Variants in NRXN2 observed in about 807,000 individuals in gnomAD.
NRXN2 encodes neurexin 2, also known as neurexin-2-beta.
In NRXN2, 29 loss-of-function variants were observed where a neutral mutation model predicts 128.8. The ratio of observed to expected loss-of-function variants is 0.23; its 90% CI spans 0.17 to 0.31. The LOEUF is 0.31. NRXN2 is among the 10% of genes least tolerant of loss of function. The pLI, the probability that NRXN2 is intolerant of heterozygous loss-of-function variation, is 1.00. For synonymous variants in NRXN2, 1,098 were observed against 1,075.2 expected, an observed-to-expected ratio of 1.02 and a Z score of -0.41; for missense variants, 1,881 against 2,452.6, an observed-to-expected ratio of 0.77 and a Z score of 4.92.
At chr11:64,627,810 T>C (rs2043292247) in intron 19 of NRXN2, among the ~76,000 whole-genome samples, 1 of 152,180 alleles carries the variant, frequency 6.6e-6, no homozygotes, top group Non-Finnish European at 1.5e-5. Context: ...TTTAAGCCAC[T>C]GACATACTAT....
At position 64,622,375 on chromosome 11, in the gene NRXN2, A is replaced by G. The variant is rs997223964; in HGVS notation, c.4173+378T>C. On this transcript the variant is annotated intron_variant, in intron 21 of 22. Transcript: ENST00000265459. This position sits in a 1 kb window ranked among gnomAD's most constrained non-coding sequence, Gnocchi z 4.3. ...CATCTCCCACTCTCTGCCCACACAG[A>G]ACGCTAGGCATGGCCTTCACTGGGG... Among the ~76,000 whole-genome samples the G allele has an allele frequency of 6.6e-6, 1 of 152,184 alleles. No homozygotes were observed. The highest frequency in any genetic ancestry group is 2.4e-5 in the African/African-American group (1 of 41,444).
chr11:64,626,547 A>G lies in NRXN2; in HGVS notation c.3763T>C (p.Phe1255Leu). The change falls in exon 20 of 23, where the codon TTT becomes CTT. Residue 1255 changes from phenylalanine (F) to leucine (L), a missense_variant. Transcript: ENST00000265459. ...GCAATCGCCAGGCGCTCGTTATCAA[A>G]GTTTCCTTGGAAAAGTTTAGAAAGA... is the stretch of plus-strand genomic sequence containing the variant. ...PVNERYPAGNFDNERLAIARQ... is the reference protein window; with the variant it reads ...PVNERYPAGNLDNERLAIARQ... The G allele has an allele frequency of 6.2e-7, 1 of 1,613,986 alleles. No homozygotes were observed. Among genetic ancestry groups the G allele is most frequent in the South Asian group, 1.1e-5 (1 of 91,084 alleles).
chr11:64,722,582 G>A (rs2135701722), intron 1 of NRXN2, among the ~76,000 whole-genome samples: 1 of 151,510 alleles, frequency 6.6e-6, no homozygotes, highest in Non-Finnish European at 1.5e-5. Context: ...TCGCTGGTTA[G>A]ACCCTCCAGA....
chr11:64,657,370 A>G (rs771129498), intron 11 of NRXN2, among the ~76,000 whole-genome samples: 2 of 152,218 alleles, frequency 1.3e-5, no homozygotes, highest in Non-Finnish European at 2.9e-5. Context: ...CTAGTAGAGG[A>G]CAACTCCAGT....
In NRXN2 at chr11:64,667,697, A is replaced by G; in HGVS notation, c.1360-9T>C. On this transcript the variant is annotated splice_polypyrimidine_tract_variant and intron_variant, in intron 8 of 22. Transcript: ENST00000265459. This position sits in a 1 kb window ranked among gnomAD's most constrained non-coding sequence, Gnocchi z 5.6. Reference sequence around the variant, plus strand: ...TTGTTCTTATAGACCACCTGCAGGGAGGGGTGGGGTCAGGGATAAAGAATC... The same window carrying G: ...TTGTTCTTATAGACCACCTGCAGGGGGGGGTGGGGTCAGGGATAAAGAATC... The G allele has an allele frequency of 1.2e-6, 2 of 1,613,578 alleles. No homozygotes were observed. The highest frequency in any genetic ancestry group is 1.7e-6 in the Non-Finnish European group (2 of 1,179,826).
At chr11:64,693,351 A>C (rs1448108108) in intron 3 of NRXN2, among the ~76,000 whole-genome samples, 1 of 151,792 alleles carries the variant, frequency 6.6e-6, no homozygotes, top group Non-Finnish European at 1.5e-5. Flanking sequence ...AGAGAAAAAA[A>C]AACAGTCAAC....
chr11:64,629,439 T>C (rs929029486), intron 19 of NRXN2, among the ~76,000 whole-genome samples: 1 of 152,124 alleles, frequency 6.6e-6, no homozygotes, highest in African/African-American at 2.4e-5. Context: ...TCTCCACATC[T>C]CTCCTCATCT....
chr11:64,715,099 A>G (rs1192037279), intron 1 of NRXN2, among the ~76,000 whole-genome samples: 1 of 152,188 alleles, frequency 6.6e-6, no homozygotes, highest in East Asian at 1.9e-4. Context: ...GAGATGGAAG[A>G]GTAATGGAGG....
chr11:64,644,470 T>C (rs1230478161), intron 17 of NRXN2, among the ~76,000 whole-genome samples: 3 of 152,226 alleles, frequency 2.0e-5, no homozygotes, highest in Admixed American at 1.3e-4. Flanking sequence ...ACAAAACCCT[T>C]CCTGGGCCAC....
rs532504526 is a variant in NRXN2, at chr11:64,607,122, C to G, written c.*74G>C. 34 of 1,499,406 alleles carry G rather than the reference C, an allele frequency of 2.3e-5. No individual in the cohort carries two copies. The highest frequency in any genetic ancestry group is 3.0e-5 in the Non-Finnish European group (33 of 1,099,708). The allele number at this position is 1,499,406 out of a possible 1,614,324, so 92.9% of individuals were successfully genotyped here. On this transcript the variant is annotated 3_prime_UTR_variant, in exon 23 of 23. Transcript: ENST00000265459. Reference sequence around the variant, plus strand: ...AGGGAGAGGGTCCCCAGGCCCCTGGCAGGGAGAGGGTGGCACCCTCCTCCC... The same window carrying G: ...AGGGAGAGGGTCCCCAGGCCCCTGGGAGGGAGAGGGTGGCACCCTCCTCCC...
Position 64,689,514 on chromosome 11 carries a change from C to T in NRXN2, c.850+891G>A, listed in dbSNP as rs59450926. On this transcript the variant is annotated intron_variant, in intron 5 of 22. Transcript: ENST00000265459. Reference sequence around the variant, plus strand: ...TCATATAAAATAAATTTGCTGAGCACACAGCTACTTATGTGCCAAGAGCTG... The same window carrying T: ...TCATATAAAATAAATTTGCTGAGCATACAGCTACTTATGTGCCAAGAGCTG... 5.0e-3 allele frequency among the ~76,000 whole-genome samples: 768 copies of T among 152,290 alleles called. 4 individuals are homozygous for T. Among genetic ancestry groups the T allele is most frequent in the African/African-American group, 0.018 (728 of 41,558 alleles).
chr11:64,676,940 G>T lies in NRXN2; in HGVS notation c.1197+53C>A. Reference sequence around the variant, plus strand: ...GAAACAAAAGAGGGAGAATCGAACAGTTAAAAAAACCCACGGCAAACCAAA... The same window carrying T: ...GAAACAAAAGAGGGAGAATCGAACATTTAAAAAAACCCACGGCAAACCAAA... On this transcript the variant is annotated intron_variant, in intron 7 of 22. Transcript: ENST00000265459. 3.3e-6 allele frequency: 5 copies of T among 1,506,834 alleles called. No homozygotes were observed. In the South Asian group the frequency reaches 3.4e-5, roughly 10 times the overall value. 93.3% of individuals were successfully genotyped at this position (1,506,834 alleles called of 1,614,324 possible). A position where few individuals can be genotyped will look rare whatever the true frequency, so the allele number is the denominator to read the frequency against.
chr11:64,671,331 G>A (rs1345700651), intron 7 of NRXN2, among the ~76,000 whole-genome samples: 1 of 152,138 alleles, frequency 6.6e-6, no homozygotes, highest in Non-Finnish European at 1.5e-5. Context: ...CTCTGGGGAA[G>A]GCAAGGAGGG....
At chr11:64,639,390 C>T (rs1330298635) in intron 17 of NRXN2, among the ~76,000 whole-genome samples, 2 of 152,062 alleles carry the variant, frequency 1.3e-5, no homozygotes, top group Non-Finnish European at 2.9e-5. Context: ...AATGCTAGCC[C>T]CCTTTATAAG....
chr11:64,641,135 G>A (rs1009789093), intron 17 of NRXN2, among the ~76,000 whole-genome samples: 1 of 152,100 alleles, frequency 6.6e-6, no homozygotes, highest in African/African-American at 2.4e-5. Context: ...ACCCTGATGG[G>A]AGGCGACGGA....
intron 6 of NRXN2, among the ~76,000 whole-genome samples, chr11:64,681,553 G>A (rs1565395340): frequency 6.6e-6 from 1 of 152,218 alleles, no homozygotes; most frequent in Non-Finnish European, 1.5e-5. Flanking sequence ...ACTAATTCGT[G>A]CCAGGCACTG....
Position 64,685,889 on chromosome 11 carries a change from T to A in NRXN2, c.909A>T (p.Ser303=), listed in dbSNP as rs1025602519. 5.0e-6 allele frequency: 8 copies of A among 1,614,186 alleles called. No individual in the cohort carries two copies. The highest frequency in any genetic ancestry group is 6.8e-6 in the Non-Finnish European group (8 of 1,180,020). The part of the protein sequence containing the change: ...KGNEFFCYDL[S]HNPIQSSTDE... Reference sequence around the variant, plus strand: ...CAGTGCTGCTCTGGATGGGGTTGTGTGACAGGTCGTAGCAGAAGAACTCAT... The same window carrying A: ...CAGTGCTGCTCTGGATGGGGTTGTGAGACAGGTCGTAGCAGAAGAACTCAT... The change falls in exon 6 of 23, where the codon TCA becomes TCT. Residue 303 remains serine (S), a synonymous_variant. Coordinates refer to ENST00000265459, the MANE Select transcript of NRXN2 (RefSeq NM_015080.4).
At chr11:64,661,245 G>A in intron 9 of NRXN2, 106 bp from the exon 10 acceptor site, 2 of 1,575,532 alleles carry the variant, frequency 1.3e-6, no homozygotes, top group African/African-American at 1.3e-5. Context: ...TCCACCTTGT[G>A]CCCTGCAGCA....
intron 5 of NRXN2, among the ~76,000 whole-genome samples, chr11:64,689,977 A>G (rs1009246502): frequency 1.3e-5 from 2 of 152,238 alleles, no homozygotes; most frequent in African/African-American, 2.4e-5. Flanking sequence ...AGAGCCCCCA[A>G]GCAGGCTTAA....
Sources: allele counts gnomAD v4.1 joint callset (sites outside exome capture counted in the v4.1 genomes callset), GRCh38; gene constraint gnomAD v4.1.1; non-coding constraint Gnocchi (gnomAD v3.1); transcripts MANE v1.5; gene names NCBI Gene and HGNC (gene_info 2026-07-23, HGNC 2026-07-21).